The following RGS6 variants were observed in gnomAD, a reference collection of about 807,000 sequenced individuals.
RGS6 encodes the protein regulator of G protein signaling 6, also known as regulator of G-protein signaling 6.
In RGS6, 30 loss-of-function variants were observed where a neutral mutation model predicts 78.5. The ratio of observed to expected loss-of-function variants is 0.38; its 90% CI spans 0.29 to 0.52. RGS6 has a LOEUF of 0.52. Among genes scored for constraint, RGS6 ranks in the 20% least tolerant of loss-of-function variants. The probability of loss-of-function intolerance (pLI) is 0.85; values close to 1 mark genes in which losing one functional copy is unlikely to be tolerated. For synonymous variants in RGS6, 206 were observed against 206.0 expected (o/e 1.00, Z 0.00); for missense variants, 495 against 609.7 (o/e 0.81, Z 1.98).
intron 2 of RGS6, among the ~76,000 whole-genome samples, chr14:72,065,751 C>T (rs1305041079): frequency 6.6e-6 from 1 of 151,904 alleles, no homozygotes; most frequent in Non-Finnish European, 1.5e-5. Context: ...GAAAGTGGCC[C>T]TCATTATTTT....
the RGS6 span, among the ~76,000 whole-genome samples, chr14:71,878,017 A>C: frequency 6.6e-6 from 1 of 152,160 alleles, no homozygotes; most frequent in Non-Finnish European, 1.5e-5. Flanking sequence ...AGAACAGCAA[A>C]TGTTGCTGCC....
intron 2 of RGS6, among the ~76,000 whole-genome samples, chr14:72,113,528 A>T (rs180799301): frequency 6.6e-6 from 1 of 152,210 alleles, no homozygotes; most frequent in Admixed American, 6.5e-5. Flanking sequence ...AGGGTTCTGC[A>T]TGTGGTTTTA....
intron 17 of RGS6, chr14:72,541,512 A>T (rs1006075582): frequency 6.5e-7 from 1 of 1,535,580 alleles, no homozygotes. Context: ...GTCTATCTTC[A>T]TGGCTGCTTT....
At chr14:72,399,836 G>T (rs2092117451) in intron 3 of RGS6, among the ~76,000 whole-genome samples, 1 of 151,994 alleles carries the variant, frequency 6.6e-6, no homozygotes, top group African/African-American at 2.4e-5. Flanking sequence ...GAAGTTTAGA[G>T]AAAAAAGAAT....
At chr14:71,913,804 G>C in the RGS6 span, among the ~76,000 whole-genome samples, 2 of 152,218 alleles carry the variant, frequency 1.3e-5, no homozygotes, top group South Asian at 4.1e-4. Context: ...TTTCCTCCCT[G>C]CTTCTTGTTA....
chr14:71,989,399 C>G (rs180928941), intron 2 of RGS6, among the ~76,000 whole-genome samples: 3 of 152,226 alleles, frequency 2.0e-5, no homozygotes, highest in Non-Finnish European at 4.4e-5. Context: ...ATCACAACCT[C>G]ATAGGCAAGA....
chr14:72,441,114 G>A (rs980225178), intron 3 of RGS6, among the ~76,000 whole-genome samples: 2 of 152,058 alleles, frequency 1.3e-5, no homozygotes, highest in Non-Finnish European at 2.9e-5. Flanking sequence ...AATAAGAGAC[G>A]GGCAATCACT....
At chr14:72,407,718 A>G (rs1273783414) in intron 3 of RGS6, among the ~76,000 whole-genome samples, 2 of 152,250 alleles carry the variant, frequency 1.3e-5, no homozygotes, top group Non-Finnish European at 2.9e-5. Flanking sequence ...TAGTGCAATG[A>G]CATTAAAATC....
At chr14:72,252,170 C>T (rs1158309316) in intron 2 of RGS6, among the ~76,000 whole-genome samples, 1 of 152,222 alleles carries the variant, frequency 6.6e-6, no homozygotes, top group Non-Finnish European at 1.5e-5. Flanking sequence ...TCTGCATTAT[C>T]TGTAAGCCAA....
At chr14:72,125,660 G>A (rs2238259) in intron 2 of RGS6, among the ~76,000 whole-genome samples, 79,340 of 151,878 alleles carry the variant, frequency 0.52, 21,027 homozygotes, top group Admixed American at 0.6. Context: ...GATTGGAGGT[G>A]GGGGAAAGGT....
intron 2 of RGS6, among the ~76,000 whole-genome samples, chr14:72,187,122 G>C (rs938531858): frequency 6.6e-6 from 1 of 152,120 alleles, no homozygotes; most frequent in Non-Finnish European, 1.5e-5. Flanking sequence ...CATTATTGTT[G>C]GTTATTCAAA....
At chr14:71,948,837 C>T (rs1566890557) in intron 1 of RGS6, among the ~76,000 whole-genome samples, 1 of 146,076 alleles carries the variant, frequency 6.8e-6, no homozygotes, top group Admixed American at 7.1e-5. Context: ...CCTCCCACTT[C>T]AGCCTCTCAA....
chr14:72,168,073 A>G (rs1375256562), intron 2 of RGS6, among the ~76,000 whole-genome samples: 3 of 152,172 alleles, frequency 2.0e-5, no homozygotes, highest in African/African-American at 7.2e-5. Context: ...CTAATACTCT[A>G]TGGCTAAATA....
rs968567142 is a variant in RGS6, at chr14:72,565,021, T to C, written c.*2554T>C. The C allele has an allele frequency of 6.6e-6, 1 of 152,270 alleles. No homozygotes were observed. The allele number at this position is 152,270 out of a possible 1,614,324, so 9.4% of individuals were successfully genotyped here. A position where few individuals can be genotyped will look rare whatever the true frequency, so the allele number is the denominator to read the frequency against. ...CCATCTACCACGCAGAACTTGGTCA[T>C]GCAAGTACATTTGGAAAATCTGGTC... On this transcript the variant is annotated 3_prime_UTR_variant, in exon 18 of 18. Transcript: ENST00000553525.
chr14:72,316,147 A>G (rs2070134691), intron 2 of RGS6, among the ~76,000 whole-genome samples: 1 of 152,220 alleles, frequency 6.6e-6, no homozygotes, highest in African/African-American at 2.4e-5. Flanking sequence ...CCCTCTAACA[A>G]TCAGAAGGAA....
chr14:71,980,075 G>T (rs1317524973), intron 2 of RGS6, among the ~76,000 whole-genome samples: 1 of 136,866 alleles, frequency 7.3e-6, no homozygotes, highest in African/African-American at 2.8e-5. Flanking sequence ...CTGAGACTAG[G>T]ATTGCAACCC....
At chr14:72,433,944 T>C (rs2094780778) in intron 3 of RGS6, among the ~76,000 whole-genome samples, 1 of 152,246 alleles carries the variant, frequency 6.6e-6, no homozygotes, top group Admixed American at 6.5e-5. Context: ...AAATGTTTGC[T>C]GATGTTGTGT....
chr14:72,116,819 C>T (rs547031527), intron 2 of RGS6, among the ~76,000 whole-genome samples: 4 of 151,994 alleles, frequency 2.6e-5, no homozygotes, highest in South Asian at 2.1e-4. Flanking sequence ...CAAAAATTAA[C>T]CAGGCTTCAT....
chr14:72,512,961 G>A (rs1182582005), intron 14 of RGS6, among the ~76,000 whole-genome samples: 1 of 152,236 alleles, frequency 6.6e-6, no homozygotes, highest in Non-Finnish European at 1.5e-5. Context: ...AGGCCCCTGG[G>A]AGTTGTGCAA....
Sources: allele counts gnomAD v4.1 joint callset (sites outside exome capture counted in the v4.1 genomes callset), GRCh38; gene constraint gnomAD v4.1.1; transcripts MANE v1.5; gene names NCBI Gene and HGNC (gene_info 2026-07-23, HGNC 2026-07-21).